Variants in TPTE2 observed in about 807,000 individuals in gnomAD.
The protein encoded by TPTE2 is phosphatidylinositol 3,4,5-trisphosphate 3-phosphatase TPTE2.
TPTE2 carries 53 observed loss-of-function variants against 78.6 expected under a neutral mutation model. That is an observed-to-expected ratio of 0.67 (90% CI 0.54 to 0.85). The LOEUF (loss-of-function observed/expected upper bound fraction) is 0.85. Among genes scored for constraint, TPTE2 ranks in the 40% least tolerant of loss-of-function variants. The pLI, the probability that TPTE2 is intolerant of heterozygous loss-of-function variation, is 0.00. For synonymous variants in TPTE2, 175 were observed against 206.2 expected (o/e 0.85, Z 1.30); for missense variants, 461 against 623.0 (o/e 0.74, Z 2.77).
chr13:19,498,246 T>A (rs962849227), intron 1 of TPTE2, among the ~76,000 whole-genome samples: 3 of 152,044 alleles, frequency 2.0e-5, no homozygotes, highest in African/African-American at 7.2e-5. Flanking sequence ...CCAGGAGAAC[T>A]TCCCCAATCT....
rs530867752 is a variant in TPTE2 at position 19,440,551 on chromosome 13, C to T, written c.974-2398G>A. 1.6e-3 allele frequency among the ~76,000 whole-genome samples: 237 copies of T among 152,248 alleles called. 1 individual carries two copies. Among genetic ancestry groups the T allele is most frequent in the African/African-American group, 5.5e-3 (229 of 41,546 alleles). On this transcript the variant is annotated intron_variant, in intron 13 of 19. Transcript: ENST00000400230. ...TTGGGAGGCCAAGGCAGGCAGATCA[C>T]TTGAGGTCAGGAGTTCAAGACCAGC...
At chr13:19,424,724 C>T (rs1407694929) in intron 19 of TPTE2, among the ~76,000 whole-genome samples, 1 of 152,272 alleles carries the variant, frequency 6.6e-6, no homozygotes, top group Non-Finnish European at 1.5e-5. Flanking sequence ...TAACACAGTC[C>T]TATGGCATGG....
chr13:19,432,913 G>C (rs958689775), intron 15 of TPTE2, among the ~76,000 whole-genome samples: 4 of 152,176 alleles, frequency 2.6e-5, no homozygotes, highest in African/African-American at 9.7e-5. Flanking sequence ...AGTTGTGACT[G>C]AGTTAGAGGA....
chr13:19,560,618 G>C, the TPTE2 span: 1 of 1,575,866 alleles, frequency 6.3e-7, no homozygotes, highest in Admixed American at 1.7e-5. Flanking sequence ...GCCACGGCTG[G>C]AAGGTGCCCA....
At chr13:19,452,569 G>A (rs148865106) in intron 10 of TPTE2, among the ~76,000 whole-genome samples, 3,728 of 152,152 alleles carry the variant, frequency 0.025, 65 homozygotes, top group Middle Eastern at 0.051. Context: ...AACAACCTAC[G>A]TAAACATTCA....
At chr13:19,490,112 A>G (rs556580397) in intron 3 of TPTE2, among the ~76,000 whole-genome samples, 1 of 152,310 alleles carries the variant, frequency 6.6e-6, no homozygotes, top group East Asian at 1.9e-4. Flanking sequence ...GGCCTTAACA[A>G]ACAATCTAAT....
chr13:19,487,760 C>T (rs1475988743), intron 3 of TPTE2, among the ~76,000 whole-genome samples: 1 of 152,180 alleles, frequency 6.6e-6, no homozygotes, highest in East Asian at 1.9e-4. Context: ...GGAGGGCACA[C>T]TCAAGAGATG....
chr13:19,472,656 G>T (rs942268973), intron 6 of TPTE2, among the ~76,000 whole-genome samples: 5 of 152,102 alleles, frequency 3.3e-5, no homozygotes, highest in African/African-American at 1.2e-4. Context: ...CTACAGGATT[G>T]GCTCCTGGTG....
At chr13:19,512,389 T>G (rs1402101880) in intron 1 of TPTE2, among the ~76,000 whole-genome samples, 1 of 152,208 alleles carries the variant, frequency 6.6e-6, no homozygotes, top group Non-Finnish European at 1.5e-5. Context: ...TAAAAGTAGC[T>G]GTTAGACATT....
chr13:19,503,176 T>G (rs746708177), intron 1 of TPTE2, 48 bp downstream of exon 4: 24 of 1,612,304 alleles, frequency 1.5e-5, no homozygotes, highest in Non-Finnish European at 2.0e-5. Flanking sequence ...AATACTTCTA[T>G]GCTCAGTTAT....
At chr13:19,497,541 C>T (rs1390013711) in intron 1 of TPTE2, among the ~76,000 whole-genome samples, 1 of 75,088 alleles carries the variant, frequency 1.3e-5, no homozygotes, top group Non-Finnish European at 3.7e-5. Context: ...CAGGGGCACA[C>T]TGACACCTCA....
the TPTE2 span, among the ~76,000 whole-genome samples, chr13:19,559,365 C>T: frequency 3.1e-4 from 47 of 152,306 alleles, no homozygotes; most frequent in Non-Finnish European, 4.1e-4. Context: ...TGGCTTGCCC[C>T]ATGTCTCTGC....
upstream of TPTE2, among the ~76,000 whole-genome samples, chr13:19,507,304 TA>T (rs370011146): frequency 5.3e-3 from 598 of 112,156 alleles, 4 homozygotes; most frequent in African/African-American, 0.019. Flanking sequence ...CTAGCTGTTC[TA>T]AAAAAAAAAA....
chr13:19,425,113 C>G (rs1368769569), intron 18 of TPTE2, 96 bp from the exon 22 acceptor site: 2 of 605,470 alleles, frequency 3.3e-6, no homozygotes, highest in Admixed American at 3.7e-5. Flanking sequence ...ATATATTTAT[C>G]AAACAATTAT....
upstream of TPTE2, among the ~76,000 whole-genome samples, chr13:19,538,567 T>G (rs1376303265): frequency 6.9e-6 from 1 of 145,752 alleles, no homozygotes; most frequent in African/African-American, 2.6e-5. Context: ...CTCCCTCTGT[T>G]GCCCAGGATG....
intron 1 of TPTE2, among the ~76,000 whole-genome samples, chr13:19,494,710 T>A (rs151196184): frequency 0.02 from 3,041 of 152,260 alleles, 52 homozygotes; most frequent in Middle Eastern, 0.085. Flanking sequence ...CACCTGGCCA[T>A]GTGTACATCT....
intron 13 of TPTE2, among the ~76,000 whole-genome samples, chr13:19,445,532 G>A (rs1192255237): frequency 6.6e-6 from 1 of 152,210 alleles, no homozygotes; most frequent in Non-Finnish European, 1.5e-5. Flanking sequence ...GAAAACAGAT[G>A]ACATTATCAA....
chr13:19,538,583 C>T (rs1400264418), upstream of TPTE2, among the ~76,000 whole-genome samples: 1 of 151,150 alleles, frequency 6.6e-6, no homozygotes, highest in Non-Finnish European at 1.5e-5. Flanking sequence ...GGATGGAGTG[C>T]AGTGGCGCGA....
chr13:19,432,058 T>G (rs1327050387), intron 16 of TPTE2, among the ~76,000 whole-genome samples: 1 of 55,092 alleles, frequency 1.8e-5, no homozygotes, highest in Admixed American at 1.9e-4. Flanking sequence ...GGTGAGAAAA[T>G]GATACGATAC....
Sources: gnomAD v4.1 joint callset for allele counts (sites outside exome capture counted in the v4.1 genomes callset) on GRCh38, gnomAD v4.1.1 for gene constraint, MANE v1.5 for transcripts, NCBI Gene and HGNC (gene_info 2026-07-23, HGNC 2026-07-21) for gene names.